AGBL4: variants seen among roughly 807,000 people sequenced by gnomAD.
The protein encoded by AGBL4 is cytosolic carboxypeptidase 6.
AGBL4 carries 58 observed loss-of-function variants against 66.4 expected under a neutral mutation model. The ratio of observed to expected loss-of-function variants is 0.87; its 90% confidence interval spans 0.71 to 1.09. The LOEUF (loss-of-function observed/expected upper bound fraction) is 1.09. Among genes scored for constraint, AGBL4 ranks in the 50% least tolerant of loss-of-function variants. AGBL4 has a pLI of 0.00. For synonymous variants in AGBL4, 234 were observed against 222.9 expected (o/e 1.05, Z -0.44); for missense variants, 579 against 631.0 (o/e 0.92, Z 0.88).
chr1:48,842,320 A>G lies in AGBL4; in HGVS notation c.634+24871T>C, dbSNP rs142564095. Among the ~76,000 whole-genome samples, 612 of 152,196 alleles carry G rather than the reference A, an allele frequency of 4.0e-3. 1 individual carries two copies. Among genetic ancestry groups the G allele is most frequent in the African/African-American group, 0.014 (578 of 41,532 alleles). On this transcript the variant is annotated intron_variant, in intron 6 of 13. Transcript: ENST00000371839. ...TATTTCACTGAAGATGATCTCACCA[A>G]GTCATTGTCCTCTGTGTAGCGTTTT...
intron 5 of AGBL4, among the ~76,000 whole-genome samples, chr1:48,876,486 G>A (rs1240058044): frequency 6.6e-6 from 1 of 152,128 alleles, no homozygotes; most frequent in Non-Finnish European, 1.5e-5. Context: ...CTCTGCTCTA[G>A]CCCTAAAAGG....
rs149338077 is a variant in AGBL4 at position 49,917,367 on chromosome 1, C to G, written c.35-65849G>C. Among the ~76,000 whole-genome samples the G allele has an allele frequency of 1.7e-4, 26 of 150,350 alleles. No individual in the cohort carries two copies. The East Asian group carries it at 3.7e-3, about 22-fold the overall frequency. ...TCTCGTGTGCAGACACACATAGGCTCAAAATAAAAGGATGGAGGAAGATCT... is the reference window on the plus strand; with the variant it reads ...TCTCGTGTGCAGACACACATAGGCTGAAAATAAAAGGATGGAGGAAGATCT... On this transcript the variant is annotated intron_variant, in intron 1 of 13. Transcript: ENST00000371839.
chr1:49,372,605 CTTTTTCTTTCTT>C (rs1422427755), intron 3 of AGBL4, among the ~76,000 whole-genome samples: 6 of 141,424 alleles, frequency 4.2e-5, no homozygotes, highest in Non-Finnish European at 3.1e-5. Flanking sequence ...TTTTCTTTTT[CTTTTTCTTTCTT>C]TCTTTCTTTC....
At chr1:49,918,334 G>T (rs893705538) in intron 1 of AGBL4, among the ~76,000 whole-genome samples, 1 of 151,114 alleles carries the variant, frequency 6.6e-6, no homozygotes, top group South Asian at 2.1e-4. Context: ...GTGATAGACC[G>T]CTAGCAAGAC....
At chr1:49,949,984 G>A (rs1459436736) in intron 1 of AGBL4, among the ~76,000 whole-genome samples, 4 of 134,800 alleles carry the variant, frequency 3.0e-5, no homozygotes, top group Non-Finnish European at 6.4e-5. Context: ...ACACACATAT[G>A]TATATATATA....
intron 6 of AGBL4, among the ~76,000 whole-genome samples, chr1:48,753,421 C>T (rs1652060241): frequency 6.6e-6 from 1 of 152,224 alleles, no homozygotes; most frequent in Non-Finnish European, 1.5e-5. Context: ...CAGCAAGAAG[C>T]ATTTGGCTGA....
intron 5 of AGBL4, among the ~76,000 whole-genome samples, chr1:48,888,623 T>G (rs1650603643): frequency 6.6e-6 from 1 of 152,174 alleles, no homozygotes. Flanking sequence ...TCCTGAGGAA[T>G]CTGCAGCCAT....
intron 8 of AGBL4, among the ~76,000 whole-genome samples, chr1:48,636,418 T>A (rs1645669091): frequency 6.6e-6 from 1 of 152,230 alleles, no homozygotes; most frequent in Non-Finnish European, 1.5e-5. Context: ...ATACAAGCCC[T>A]GTATTAACAT....
chr1:48,926,845 ACAAGTGTTAGTAG>A (rs1479852325), intron 5 of AGBL4, among the ~76,000 whole-genome samples: 1 of 152,160 alleles, frequency 6.6e-6, no homozygotes, highest in Non-Finnish European at 1.5e-5. Flanking sequence ...TAATAGAAAT[ACAAGTGTTAGTAG>A]CAATAGTAGT....
chr1:49,977,574 T>C (rs900688004), intron 1 of AGBL4, among the ~76,000 whole-genome samples: 3 of 152,258 alleles, frequency 2.0e-5, no homozygotes, highest in African/African-American at 7.2e-5. Context: ...ATAGACCATC[T>C]GAAGGAGAAT....
chr1:49,921,358 T>C (rs1652223948), intron 1 of AGBL4, among the ~76,000 whole-genome samples: 2 of 152,132 alleles, frequency 1.3e-5, no homozygotes, highest in South Asian at 4.1e-4. Context: ...GCAATGCAAT[T>C]CAATATATCA....
At chr1:49,483,053 A>G (rs1301903819) in intron 3 of AGBL4, among the ~76,000 whole-genome samples, 7 of 151,994 alleles carry the variant, frequency 4.6e-5, no homozygotes, top group African/African-American at 1.7e-4. Context: ...GATCAATTTT[A>G]GAGTAAGTGC....
intron 6 of AGBL4, among the ~76,000 whole-genome samples, chr1:48,723,389 T>C (rs528593794): frequency 6.6e-6 from 1 of 152,314 alleles, no homozygotes; most frequent in Admixed American, 6.5e-5. Context: ...CATTTGCTTA[T>C]AATGGGGAGG....
Position 49,580,206 on chromosome 1 carries a change from ATAAG to A in AGBL4, c.282+117103_282+117106del, listed in dbSNP as rs543537333. Among the ~76,000 whole-genome samples, 515 of 152,120 alleles carry A rather than the reference ATAAG, an allele frequency of 3.4e-3. 1 individual carries two copies. The highest frequency in any genetic ancestry group is 0.012 in the African/African-American group (485 of 41,508). On this transcript the variant is annotated intron_variant, in intron 3 of 13. Coordinates refer to ENST00000371839, the MANE Select transcript of AGBL4 (RefSeq NM_032785.4). The stretch of plus-strand genomic sequence containing the variant: ...TTATTTTCAGTCTATATGTGTCTTT[ATAAG>A]TAAGAACAGTTTCTTGTATGCAGCA...
chr1:49,220,805 G>C (rs1281439604), intron 4 of AGBL4, among the ~76,000 whole-genome samples: 1 of 152,110 alleles, frequency 6.6e-6, no homozygotes, highest in Non-Finnish European at 1.5e-5. Flanking sequence ...CAGAGGCTCT[G>C]CTTCTTCATC....
At chr1:49,806,779 G>T (rs115823703) in intron 2 of AGBL4, among the ~76,000 whole-genome samples, 4 of 152,072 alleles carry the variant, frequency 2.6e-5, no homozygotes, top group Non-Finnish European at 5.9e-5. Flanking sequence ...TCAAAAAGGG[G>T]CCATAGGTGC....
At chr1:49,083,565 CG>C (rs1338940534) in intron 4 of AGBL4, among the ~76,000 whole-genome samples, 1 of 152,152 alleles carries the variant, frequency 6.6e-6, no homozygotes, top group African/African-American at 2.4e-5. Context: ...CAGATAAGAG[CG>C]GGGGGCCCTG....
In AGBL4 at chr1:48,839,971, C is replaced by G. The variant is rs560268147; in HGVS notation, c.634+27220G>C. Among the ~76,000 whole-genome samples the G allele has an allele frequency of 8.5e-5, 13 of 152,202 alleles. No individual in the cohort carries two copies. The South Asian group carries it at 2.5e-3, about 29-fold the overall frequency. ...CCTCACTTGACAATTGCTCTCTGGTCCCAGCCTTGGTGGGTCAGGAAAGGA... is the reference window on the plus strand; with the variant it reads ...CCTCACTTGACAATTGCTCTCTGGTGCCAGCCTTGGTGGGTCAGGAAAGGA... On this transcript the variant is annotated intron_variant, in intron 6 of 13. Coordinates refer to ENST00000371839, the MANE Select transcript of AGBL4 (RefSeq NM_032785.4).
At chr1:49,944,267 A>C (rs1468214622) in intron 1 of AGBL4, among the ~76,000 whole-genome samples, 2 of 152,066 alleles carry the variant, frequency 1.3e-5, no homozygotes, top group African/African-American at 2.4e-5. Context: ...TACATTAAAC[A>C]ACCAAAACTA....
Sources: gnomAD v4.1 joint callset for allele counts (sites outside exome capture counted in the v4.1 genomes callset) on GRCh38, gnomAD v4.1.1 for gene constraint, MANE v1.5 for transcripts, NCBI Gene and HGNC (gene_info 2026-07-23, HGNC 2026-07-21) for gene names.